The following SART3 variants were observed in gnomAD, a reference collection of about 807,000 sequenced individuals.
SART3 encodes spliceosome associated factor 3, U4/U6 recycling protein, also known as HIV-1 Tat-interacting protein of 110kDa.
In SART3, 44 loss-of-function variants were observed where a neutral mutation model predicts 122.3. That is an observed-to-expected ratio of 0.36 (90% CI 0.28 to 0.46). SART3 has a LOEUF of 0.46. SART3 is among the 20% of genes least tolerant of loss of function. The probability of loss-of-function intolerance (pLI) is 1.00; values close to 1 mark genes in which losing one functional copy is unlikely to be tolerated. For synonymous variants in SART3, 442 were observed against 454.0 expected, an observed-to-expected ratio of 0.97 and a Z score of 0.34; for missense variants, 1,101 against 1,229.0, an observed-to-expected ratio of 0.90 and a Z score of 1.56.
At position 108,524,758 on chromosome 12, in the gene SART3, C is replaced by T. The variant is rs933998741; in HGVS notation, c.2524-252G>A. 8.0e-5 allele frequency: 45 copies of T among 565,960 alleles called. No individual in the cohort carries two copies. The Admixed American group carries it at 1.3e-3, about 17-fold the overall frequency. The allele number at this position is 565,960 out of a possible 1,614,324, so 35.1% of individuals were successfully genotyped here. ...CCTTCCAAGTTCAGCACACCTTGTA[C>T]GTGCTGCAGAAGTAGAAAGAAAGAA... On this transcript the variant is annotated intron_variant, in intron 17 of 18. Coordinates refer to ENST00000546815, the MANE Select transcript of SART3 (RefSeq NM_014706.4).
rs1362573332 is a variant in SART3, at chr12:108,535,455, T to C, written c.1460A>G (p.Asn487Ser). The change falls in exon 12 of 19, where the codon AAT becomes AGT. Residue 487 changes from asparagine to serine, a missense_variant. Coordinates refer to ENST00000546815, the MANE Select transcript of SART3 (RefSeq NM_014706.4). ...NWARIEARLC[N>S]NMQKARELWD... ...GAGTTCCCGAGCTTTCTGCATGTTA[T>C]TGCACAGTCGAGCCTAAAGTGCATC... 6.2e-7 allele frequency: 1 copy of C among 1,613,992 alleles called. No homozygotes were observed. The highest frequency in any genetic ancestry group is 1.3e-5 in the African/African-American group (1 of 74,926).
intron 15 of SART3, 42 bp downstream of exon 15, chr12:108,530,100 C>T: frequency 6.2e-7 from 1 of 1,611,614 alleles, no homozygotes; most frequent in Non-Finnish European, 8.5e-7. Flanking sequence ...ACTTCTCTAA[C>T]TTTAAGACGT....
intron 1 of SART3, 132 bp from the exon 2 acceptor site, chr12:108,549,346 A>G (rs2029895931): frequency 1.1e-6 from 1 of 918,336 alleles, no homozygotes; most frequent in Admixed American, 2.0e-5. Flanking sequence ...CCACTGAAAC[A>G]GCAACCCAGC....
At chr12:108,559,322 A>C (rs41412548) in intron 1 of SART3, among the ~76,000 whole-genome samples, 30,296 of 152,186 alleles carry the variant, frequency 0.2, 3,877 homozygotes, top group East Asian at 0.49. Flanking sequence ...GAATAACTTA[A>C]AGGAAATCAT....
chr12:108,531,824 G>T, intron 13 of SART3: 1 of 323,804 alleles, frequency 3.1e-6, no homozygotes, highest in Non-Finnish European at 6.1e-6. Flanking sequence ...AGAGCACAGT[G>T]ACTCTCAAAG....
intron 3 of SART3, among the ~76,000 whole-genome samples, chr12:108,546,836 T>A (rs1873447100): frequency 6.6e-6 from 1 of 152,038 alleles, no homozygotes; most frequent in African/African-American, 2.4e-5. Context: ...ATGCTTTTTT[T>A]TGAGACAGAA....
intron 1 of SART3, among the ~76,000 whole-genome samples, chr12:108,556,114 G>C (rs1220720405): frequency 7.3e-6 from 1 of 136,886 alleles, no homozygotes; most frequent in African/African-American, 2.7e-5. Flanking sequence ...TTTTTTTTTT[G>C]AGTCAGGGTC....
chr12:108,530,198 G>A lies in SART3; in HGVS notation c.1859C>T (p.Pro620Leu), dbSNP rs763468222. The change falls in exon 15 of 19, where the codon CCA becomes CTA. Residue 620 changes from proline (P) to leucine (L), a missense_variant. Coordinates refer to ENST00000546815, the MANE Select transcript of SART3 (RefSeq NM_014706.4). ...ALKKKKKIRG[P>L]EKRGADEDDE... ...ATCCTCATCTGCTCCGCGCTTCTCT[G>A]GGCCTCTGATCTTTTTCTTCTTTTT... 8.1e-6 allele frequency: 13 copies of A among 1,614,104 alleles called. No homozygotes were observed. The highest frequency in any genetic ancestry group is 2.7e-5 in the African/African-American group (2 of 75,038).
Position 108,529,582 on chromosome 12 carries a change from T to C in SART3, c.1915+560A>G, listed in dbSNP as rs531685454. On this transcript the variant is annotated intron_variant, in intron 15 of 18. Coordinates refer to ENST00000546815, the MANE Select transcript of SART3 (RefSeq NM_014706.4). ...AGCCAAACCTGGGATAAGTAGAGAA[T>C]CAGCATAAATAATTCTCAAAAGGGT... Among the ~76,000 whole-genome samples the C allele has an allele frequency of 3.3e-5, 5 of 152,314 alleles. No homozygotes were observed. In the South Asian group the frequency reaches 1.0e-3, roughly 32 times the overall value.
At position 108,561,075 on chromosome 12, in the gene SART3, T is replaced by G. The variant is rs866653084; in HGVS notation, c.80A>C (p.Asp27Ala). 4 of 1,613,960 alleles carry G rather than the reference T, an allele frequency of 2.5e-6. No individual in the cohort carries two copies. The African/African-American group carries it at 5.3e-5, about 22-fold the overall frequency. The part of the protein sequence containing the change: ...KAGPKADGEE[D>A]EVKAARTRRK... ...CCTTGTCCTAGCCGCCTTAACCTCA[T>G]CCTCCTCTCCGTCAGCCTTGGGCCC... Residue 27 changes from aspartate (D) to alanine (A), a missense_variant, in exon 1 of 19, where the codon GAT becomes GCT. Asp to Ala is a moderately radical substitution (Grantham distance 126). Around this residue, in one of 2 missense-constraint regions of SART3, gnomAD observed 216 missense variants for 148.9 expected, o/e 1.45. Transcript: ENST00000546815.
rs1872331907 is a variant in SART3 at position 108,525,558 on chromosome 12, G to A, written c.2422C>T (p.Leu808=). The change falls in exon 17 of 19, where the codon CTG becomes TTG. Residue 808 remains leucine (L), a synonymous_variant. Coordinates refer to ENST00000546815, the MANE Select transcript of SART3 (RefSeq NM_014706.4). ...LEKHKLFISG[L]PFSCTKEELE... is the part of the protein sequence containing the mutation. Reference sequence around the variant, plus strand: ...TCCTCTTTAGTACAGGAGAAAGGCAGGCCTGAGATGAACAGCTTGTGTTTC... The same window carrying A: ...TCCTCTTTAGTACAGGAGAAAGGCAAGCCTGAGATGAACAGCTTGTGTTTC... The A allele has an allele frequency of 1.9e-6, 3 of 1,613,958 alleles. No individual in the cohort carries two copies. Among genetic ancestry groups the A allele is most frequent in the Non-Finnish European group, 2.5e-6 (3 of 1,179,944 alleles).
intron 17 of SART3, 137 bp from the exon 18 acceptor site, chr12:108,524,643 T>G: frequency 1.4e-6 from 1 of 738,300 alleles, no homozygotes. Flanking sequence ...ACAGGTTACC[T>G]TCCCCACCAC....
Position 108,543,049 on chromosome 12 carries a change from A to G in SART3, c.885T>C (p.Tyr295=), listed in dbSNP as rs1306232952. 2 of 1,614,138 alleles carry G rather than the reference A, an allele frequency of 1.2e-6. No homozygotes were observed. The highest frequency in any genetic ancestry group is 1.7e-6 in the Non-Finnish European group (2 of 1,180,050). Residue 295 remains tyrosine (Y), a synonymous_variant, in exon 6 of 19, where the codon TAT becomes TAC. Transcript: ENST00000546815. ...TTACCAGTGCTTCTTCATAGGGTTT[A>G]TATTTCTCCAGCTGCTGTAGTGCTT... ...YNKALQQLEK[Y]KPYEEALLQA...
chr12:108,525,941 A>G, intron 16 of SART3, 158 bp downstream of exon 16: 2 of 675,450 alleles, frequency 3.0e-6, no homozygotes, highest in Non-Finnish European at 5.0e-6. Flanking sequence ...GTCAGACCTC[A>G]GTCAACCGGC....
chr12:108,525,858 C>G, intron 16 of SART3: 1 of 619,594 alleles, frequency 1.6e-6, no homozygotes, highest in African/African-American at 1.8e-5. Flanking sequence ...AGTCAATGAG[C>G]TGACACACAT....
chr12:108,533,260 A>G (rs1408798799), intron 12 of SART3, among the ~76,000 whole-genome samples: 3 of 152,198 alleles, frequency 2.0e-5, no homozygotes. Flanking sequence ...GACATCTTCA[A>G]GACAGTGCAC....
At chr12:108,528,124 C>T (rs556732052) in intron 15 of SART3, among the ~76,000 whole-genome samples, 1 of 152,208 alleles carries the variant, frequency 6.6e-6, no homozygotes, top group Admixed American at 6.5e-5. Context: ...CAGAGCTGCC[C>T]GTCCCTGAAA....
intron 14 of SART3, 83 bp from the exon 15 acceptor site, chr12:108,530,393 T>TA: frequency 6.8e-7 from 1 of 1,466,788 alleles, no homozygotes; most frequent in Non-Finnish European, 9.4e-7. Flanking sequence ...GGAGAAGGAG[T>TA]GGAAATTCAT....
intron 1 of SART3, among the ~76,000 whole-genome samples, chr12:108,556,232 C>T (rs1272740289): frequency 6.6e-6 from 1 of 152,138 alleles, no homozygotes; most frequent in Non-Finnish European, 1.5e-5. Context: ...GCTGCTACTA[C>T]AAGCTCATGC....
Sources: gnomAD v4.1 joint callset for allele counts (sites outside exome capture counted in the v4.1 genomes callset) on GRCh38, gnomAD v4.1.1 for gene constraint, gnomAD v4.1.1 regional missense constraint, MANE v1.5 for transcripts, NCBI Gene and HGNC (gene_info 2026-07-23, HGNC 2026-07-21) for gene names.